FAM13A: variants seen among roughly 807,000 people sequenced by gnomAD.
The protein encoded by FAM13A is protein FAM13A.
FAM13A carries 76 observed loss-of-function variants against 129.6 expected under a neutral mutation model. The ratio of observed to expected loss-of-function variants is 0.59; its 90% CI spans 0.49 to 0.71. The LOEUF (loss-of-function observed/expected upper bound fraction) is 0.71. FAM13A is among the 30% of genes least tolerant of loss of function. The pLI, the probability that FAM13A is intolerant of heterozygous loss-of-function variation, is 0.00. For missense variants in FAM13A, 1,108 were observed against 1,249.3 expected (o/e 0.89, Z 1.70); for synonymous variants, 443 against 449.9 (o/e 0.98, Z 0.20).
intron 2 of FAM13A, among the ~76,000 whole-genome samples, chr4:89,022,955 C>T (rs1486019235): frequency 6.6e-6 from 1 of 152,188 alleles, no homozygotes; most frequent in East Asian, 1.9e-4. Context: ...CCTGATATGA[C>T]TGAAGCCTTG....
At chr4:88,988,103 C>T (rs1240970211) in intron 4 of FAM13A, among the ~76,000 whole-genome samples, 1 of 152,036 alleles carries the variant, frequency 6.6e-6, no homozygotes, top group East Asian at 1.9e-4. Context: ...ATGTAACAAA[C>T]TTGCACATCC....
chr4:88,736,885 T>C (rs1739092536), intron 21 of FAM13A, among the ~76,000 whole-genome samples: 1 of 152,188 alleles, frequency 6.6e-6, no homozygotes, highest in Admixed American at 6.5e-5. Context: ...GATTTTAAAA[T>C]TAGTCCTGGG....
intron 8 of FAM13A, among the ~76,000 whole-genome samples, chr4:88,792,035 T>C (rs1725279635): frequency 6.6e-6 from 1 of 152,110 alleles, no homozygotes; most frequent in African/African-American, 2.4e-5. Flanking sequence ...ATCATGTGAT[T>C]AGGTAAAAGG....
At chr4:88,961,643 A>G (rs1327066257) in intron 4 of FAM13A, among the ~76,000 whole-genome samples, 3 of 152,076 alleles carry the variant, frequency 2.0e-5, no homozygotes, top group Non-Finnish European at 4.4e-5. Context: ...TTGGGATTAC[A>G]CGCGTGAGCC....
intron 7 of FAM13A, among the ~76,000 whole-genome samples, chr4:88,826,671 T>C (rs1733044595): frequency 6.6e-6 from 1 of 152,172 alleles, no homozygotes; most frequent in Non-Finnish European, 1.5e-5. Flanking sequence ...TCATCAAATA[T>C]AAGCGAGTGC....
chr4:89,025,819 C>T (rs924395073), intron 2 of FAM13A, among the ~76,000 whole-genome samples: 13 of 152,120 alleles, frequency 8.5e-5, no homozygotes, highest in Non-Finnish European at 1.8e-4. Context: ...TATATATACA[C>T]GAAACATCTT....
chr4:88,960,568 A>G (rs1758450615), intron 4 of FAM13A, among the ~76,000 whole-genome samples: 1 of 152,228 alleles, frequency 6.6e-6, no homozygotes, highest in African/African-American at 2.4e-5. Flanking sequence ...CCACAACAAC[A>G]AAACCTCATT....
chr4:89,004,012 A>AG (rs1329487749), intron 3 of FAM13A, among the ~76,000 whole-genome samples: 4 of 152,200 alleles, frequency 2.6e-5, no homozygotes, highest in African/African-American at 9.6e-5. Flanking sequence ...TTGTAGAGAC[A>AG]GGGTCTCACT....
At chr4:89,032,181 C>G (rs775782733) in intron 1 of FAM13A, among the ~76,000 whole-genome samples, 1 of 151,800 alleles carries the variant, frequency 6.6e-6, no homozygotes, top group African/African-American at 2.4e-5. Flanking sequence ...GGAGGCGGAG[C>G]TTGCAGTGAG....
intron 7 of FAM13A, among the ~76,000 whole-genome samples, chr4:88,844,561 G>A (rs551689253): frequency 6.6e-6 from 1 of 152,224 alleles, no homozygotes; most frequent in East Asian, 1.9e-4. Context: ...ACACGTGATC[G>A]GATCATGAAG....
intron 1 of FAM13A, among the ~76,000 whole-genome samples, chr4:89,039,955 T>TAA (rs1027631391): frequency 1.4e-5 from 2 of 139,668 alleles, no homozygotes; most frequent in South Asian, 2.3e-4. Flanking sequence ...ACTGTCTCTT[T>TAA]AAAAAAAAAA....
At chr4:88,844,098 T>C (rs1214198688) in intron 7 of FAM13A, among the ~76,000 whole-genome samples, 1 of 152,190 alleles carries the variant, frequency 6.6e-6, no homozygotes. Context: ...ATTGGGCACA[T>C]GTAACAATAT....
At chr4:88,821,945 G>A (rs1732007538) in intron 7 of FAM13A, among the ~76,000 whole-genome samples, 1 of 152,106 alleles carries the variant, frequency 6.6e-6, no homozygotes, top group Admixed American at 6.5e-5. Flanking sequence ...AATAAGCAAT[G>A]TTTTAAAGCT....
At chr4:88,838,070 A>T (rs1248121405) in intron 7 of FAM13A, among the ~76,000 whole-genome samples, 1 of 152,226 alleles carries the variant, frequency 6.6e-6, no homozygotes, top group Non-Finnish European at 1.5e-5. Flanking sequence ...TATTATAAGT[A>T]ATCTAGAGAT....
chr4:88,960,642 A>G (rs1479882035), intron 4 of FAM13A, among the ~76,000 whole-genome samples: 1 of 152,200 alleles, frequency 6.6e-6, no homozygotes, highest in East Asian at 1.9e-4. Context: ...AGAACGAAGA[A>G]GCTAGTAGTT....
chr4:88,989,180 C>T (rs1450010924), intron 4 of FAM13A, among the ~76,000 whole-genome samples: 2 of 150,668 alleles, frequency 1.3e-5, no homozygotes, highest in African/African-American at 4.9e-5. Context: ...TGCACTCCAA[C>T]CTGGGTGACA....
intron 1 of FAM13A, among the ~76,000 whole-genome samples, chr4:89,033,338 A>T (rs961310051): frequency 6.6e-6 from 1 of 152,230 alleles, no homozygotes; most frequent in Non-Finnish European, 1.5e-5. Context: ...TCCTATAAAA[A>T]AGAAACTCTA....
chr4:88,821,599 T>A (rs909378200), intron 7 of FAM13A, among the ~76,000 whole-genome samples: 1 of 152,170 alleles, frequency 6.6e-6, no homozygotes, highest in Non-Finnish European at 1.5e-5. Context: ...AATATTCTTA[T>A]CTAGAATACA....
At chr4:88,743,670 C>T (rs907309560) in intron 19 of FAM13A, among the ~76,000 whole-genome samples, 1 of 152,046 alleles carries the variant, frequency 6.6e-6, no homozygotes, top group Non-Finnish European at 1.5e-5. Context: ...ATCAATATAG[C>T]GCAGTCAATA....
Sources: allele counts gnomAD v4.1 joint callset (sites outside exome capture counted in the v4.1 genomes callset), GRCh38; gene constraint gnomAD v4.1.1; transcripts MANE v1.5; gene names NCBI Gene and HGNC (gene_info 2026-07-23, HGNC 2026-07-21).